CLEC4G: variants seen among roughly 807,000 people sequenced by gnomAD.
CLEC4G encodes the protein C-type lectin superfamily 4, member G.
CLEC4G carries 34 observed loss-of-function variants against 37.0 expected under a neutral mutation model. The observed-to-expected ratio is 0.92, with a 90% CI of 0.70 to 1.22. The LOEUF is 1.22. Among genes scored for constraint, CLEC4G ranks in the 50% most tolerant of loss-of-function variants. The pLI is 0.00. For missense variants in CLEC4G, 390 were observed against 392.9 expected, an observed-to-expected ratio of 0.99 and a Z score of 0.06; for synonymous variants, 167 against 165.6, an observed-to-expected ratio of 1.01 and a Z score of -0.06.
intron 2 of CLEC4G, 91 bp from the exon 3 acceptor site, chr19:7,731,410 G>A (rs967050363): frequency 2.1e-5 from 31 of 1,512,036 alleles, no homozygotes; most frequent in Non-Finnish European, 2.7e-5. Flanking sequence ...CGGGAGCACG[G>A]AGCGGGCGGG....
rs938050290 is a variant in CLEC4G, at chr19:7,731,762, C to T, written c.65G>A (p.Gly22Glu). 1.2e-6 allele frequency: 2 copies of T among 1,613,480 alleles called. No individual in the cohort carries two copies. Among genetic ancestry groups the T allele is most frequent in the Non-Finnish European group, 1.7e-6 (2 of 1,179,792 alleles). Reference sequence around the variant, plus strand: ...TCTCCTGCTCCAGTGCACCCAGCGTCCCCAGGGCCCTGGCATAACAAGGAC... The same window carrying T: ...TCTCCTGCTCCAGTGCACCCAGCGTTCCCAGGGCCCTGGCATAACAAGGAC... ...SSEEVPGGPW[G>E]RWVHWSRRPL... The change falls in exon 2 of 9, where the codon GGA becomes GAA. Residue 22 changes from glycine to glutamate, a missense_variant. Gly to Glu is a moderately conservative substitution (Grantham distance 98). Transcript: ENST00000328853.
Position 7,730,173 on chromosome 19 carries a change from G to T in CLEC4G, c.479-6C>A, listed in dbSNP as rs756487039. The T allele has an allele frequency of 4.3e-6, 7 of 1,610,986 alleles. No homozygotes were observed. In the South Asian group the frequency reaches 7.7e-5, roughly 18 times the overall value. ...GGGGCACGGCTCGCAGGAGTCTGCG[G>T]GGTGGCGAGGGTCAGAGAGGTCGCG... On this transcript the variant is annotated splice_polypyrimidine_tract_variant and splice_region_variant and intron_variant, in intron 6 of 8. Coordinates refer to ENST00000328853, the MANE Select transcript of CLEC4G (RefSeq NM_198492.4). The surrounding 1 kb of genome is among the most constrained non-coding windows in gnomAD (Gnocchi z 7.3).
chr19:7,729,528 G>A, intron 8 of CLEC4G, 24 bp from the exon 9 acceptor site: 1 of 1,557,994 alleles, frequency 6.4e-7, no homozygotes, highest in African/African-American at 1.4e-5. Context: ...GAGTGGGGGT[G>A]TTGCTGGGAA....
At chr19:7,731,455 G>A in intron 2 of CLEC4G, 136 bp from the exon 3 acceptor site, 1 of 1,479,262 alleles carries the variant, frequency 6.8e-7, no homozygotes, top group Non-Finnish European at 9.0e-7. Context: ...CACACACGCC[G>A]ATGGGAGACA....
In CLEC4G at chr19:7,730,866, G is replaced by C. The variant is rs1233120430; in HGVS notation, c.284-7C>G. 2 of 1,529,242 alleles carry C rather than the reference G, an allele frequency of 1.3e-6. No homozygotes were observed. The highest frequency in any genetic ancestry group is 1.7e-6 in the Non-Finnish European group (2 of 1,144,780). The allele number at this position is 1,529,242 out of a possible 1,614,324, so 94.7% of individuals were successfully genotyped here. Reference sequence around the variant, plus strand: ...TGCGCCTGCGTCCCCGAGCCTGGGAGCCGCAGGGTGAGAGGGGCGAGGGCG... The same window carrying C: ...TGCGCCTGCGTCCCCGAGCCTGGGACCCGCAGGGTGAGAGGGGCGAGGGCG... On this transcript the variant is annotated splice_region_variant and splice_polypyrimidine_tract_variant and intron_variant, in intron 4 of 8. Transcript: ENST00000328853. The surrounding 1 kb of genome is among the most constrained non-coding windows in gnomAD (Gnocchi z 7.3).
In CLEC4G at chr19:7,731,658, C is replaced by A. The variant is rs780519301; in HGVS notation, c.166+3G>T. On this transcript the variant is annotated splice_donor_region_variant and intron_variant, in intron 2 of 8. Transcript: ENST00000328853. Reference sequence around the variant, plus strand: ...CAACACCTCCCCATTGAGAGTCACTCACCCTTGGACAATAGGATACTCAGA... The same window carrying A: ...CAACACCTCCCCATTGAGAGTCACTAACCCTTGGACAATAGGATACTCAGA... 1.1e-5 allele frequency: 17 copies of A among 1,613,212 alleles called. No homozygotes were observed. Among genetic ancestry groups the A allele is most frequent in the Non-Finnish European group, 1.4e-5 (17 of 1,179,690 alleles).
chr19:7,731,451 C>A, intron 2 of CLEC4G, 132 bp from the exon 3 acceptor site: 8 of 1,480,498 alleles, frequency 5.4e-6, no homozygotes, highest in Non-Finnish European at 7.2e-6. Context: ...TGTGCACACA[C>A]GCCGATGGGA....
In CLEC4G at chr19:7,731,265, C is replaced by CCGTT. The variant is rs2033427962; in HGVS notation, c.217_220dup (p.Ala74GlufsTer56). Reference sequence around the variant, plus strand: ...GCCCAGGCGCCCGGCTCTGCACACACCGTTTGTCCTCAGCAGGTCGTGGCC... The same window carrying CCGTT: ...GCCCAGGCGCCCGGCTCTGCACACACCGTTCGTTTGTCCTCAGCAGGTCGTGGCC... On this transcript the variant is annotated frameshift_variant and splice_region_variant. Coordinates refer to ENST00000328853, the MANE Select transcript of CLEC4G (RefSeq NM_198492.4). LOFTEE classifies it high-confidence loss of function. The CCGTT allele has an allele frequency of 6.3e-7, 1 of 1,592,292 alleles. No homozygotes were observed. The highest frequency in any genetic ancestry group is 1.3e-5 in the African/African-American group (1 of 74,720).
rs751047828 is a variant in CLEC4G, at chr19:7,730,843, C to A, written c.300G>T (p.Ala100=). 1,322 of 1,530,296 alleles carry A rather than the reference C, an allele frequency of 8.6e-4. 1 individual carries two copies. Among genetic ancestry groups the A allele is most frequent in the Non-Finnish European group, 1.1e-3 (1,218 of 1,145,186 alleles). The allele number at this position is 1,530,296 out of a possible 1,614,324, so 94.8% of individuals were successfully genotyped here. A position where few individuals can be genotyped will look rare whatever the true frequency, so the allele number is the denominator to read the frequency against. The change falls in exon 5 of 9, where the codon GCG becomes GCT. Residue 100 remains alanine, a synonymous_variant. Coordinates refer to ENST00000328853, the MANE Select transcript of CLEC4G (RefSeq NM_198492.4). The surrounding 1 kb of genome is among the most constrained non-coding windows in gnomAD (Gnocchi z 7.3). ...DCHSCCSGTQ[A]QLQTTRAELG... ...GCTCCGCGCGCGTGGTCTGCAGCTG[C>A]GCCTGCGTCCCCGAGCCTGGGAGCC...
chr19:7,730,565 C>A lies in CLEC4G; in HGVS notation c.389-125G>T. Reference sequence around the variant, plus strand: ...CTCGGTGCCAGCGTCCAGGATGGCACAGGGTCAAGGGCGGTTACAACTGGG... The same window carrying A: ...CTCGGTGCCAGCGTCCAGGATGGCAAAGGGTCAAGGGCGGTTACAACTGGG... On this transcript the variant is annotated intron_variant, in intron 5 of 8. Transcript: ENST00000328853. The surrounding 1 kb of genome is among the most constrained non-coding windows in gnomAD (Gnocchi z 7.3). 1 of 1,473,928 alleles carries A rather than the reference C, an allele frequency of 6.8e-7. No individual in the cohort carries two copies. Among genetic ancestry groups the A allele is most frequent in the Non-Finnish European group, 9.0e-7 (1 of 1,115,480 alleles). 91.3% of individuals were successfully genotyped at this position (1,473,928 alleles called of 1,614,324 possible). A position where few individuals can be genotyped will look rare whatever the true frequency, so the allele number is the denominator to read the frequency against.
Position 7,730,752 on chromosome 19 carries a change from C to T in CLEC4G, c.388+3G>A, listed in dbSNP as rs1599458760. 1.6e-5 allele frequency: 24 copies of T among 1,531,064 alleles called. No individual in the cohort carries two copies. The highest frequency in any genetic ancestry group is 2.0e-5 in the Non-Finnish European group (23 of 1,145,056). The allele number at this position is 1,531,064 out of a possible 1,614,324, so 94.8% of individuals were successfully genotyped here. A position where few individuals can be genotyped will look rare whatever the true frequency, so the allele number is the denominator to read the frequency against. ...CAGGGCCGGGGTCGCGTCGGGCCCT[C>T]ACCGCGCTCACGCAGTTCCCGCAGG... is the stretch of plus-strand genomic sequence containing the variant. On this transcript the variant is annotated splice_donor_region_variant and intron_variant, in intron 5 of 8. Transcript: ENST00000328853. This position sits in a 1 kb window ranked among gnomAD's most constrained non-coding sequence, Gnocchi z 7.3.
rs577665877 is a variant in CLEC4G, at chr19:7,729,648, G to C, written c.744-144C>G. ...ACTGTCTAACCTGAGTATACACCTG[G>C]TATATAACTTTTTAACGCCCAGAAT... On this transcript the variant is annotated intron_variant, in intron 8 of 8. Coordinates refer to ENST00000328853, the MANE Select transcript of CLEC4G (RefSeq NM_198492.4). The C allele has an allele frequency of 9.7e-6, 12 of 1,237,966 alleles. No homozygotes were observed. In the Admixed American group the frequency reaches 3.1e-4, roughly 32 times the overall value. The allele number at this position is 1,237,966 out of a possible 1,614,324, so 76.7% of individuals were successfully genotyped here.
rs111987684 is a variant in CLEC4G at position 7,730,569 on chromosome 19, G to T, written c.389-129C>A. The T allele has an allele frequency of 1.5e-3, 2,135 of 1,463,852 alleles. 33 individuals are homozygous for T. In the African/African-American group the frequency reaches 0.024, roughly 17 times the overall value. The allele number at this position is 1,463,852 out of a possible 1,614,324, so 90.7% of individuals were successfully genotyped here. A position where few individuals can be genotyped will look rare whatever the true frequency, so the allele number is the denominator to read the frequency against. ...GTGCCAGCGTCCAGGATGGCACAGG[G>T]TCAAGGGCGGTTACAACTGGGCAGG... On this transcript the variant is annotated intron_variant, in intron 5 of 8. Coordinates refer to ENST00000328853, the MANE Select transcript of CLEC4G (RefSeq NM_198492.4). This position sits in a 1 kb window ranked among gnomAD's most constrained non-coding sequence, Gnocchi z 7.3.
rs771397581 is a variant in CLEC4G, at chr19:7,731,275, T to A, written c.211A>T (p.Arg71Trp). The A allele has an allele frequency of 1.9e-6, 3 of 1,592,196 alleles. No individual in the cohort carries two copies. Among genetic ancestry groups the A allele is most frequent in the Non-Finnish European group, 2.6e-6 (3 of 1,173,346 alleles). ...AALLDGHDLL[R>W]TNASKQTAAL... ...CCGGCTCTGCACACACCGTTTGTCC[T>A]CAGCAGGTCGTGGCCGTCAAGCAGC... The change falls in exon 3 of 9, where the codon AGG becomes TGG. Residue 71 changes from arginine (R) to tryptophan (W), a missense_variant. Physicochemically the swap from Arg to Trp is moderately radical, Grantham distance 101. Coordinates refer to ENST00000328853, the MANE Select transcript of CLEC4G (RefSeq NM_198492.4).
Position 7,730,210 on chromosome 19 carries a change from G to A in CLEC4G, c.479-43C>T, listed in dbSNP as rs2033406983. On this transcript the variant is annotated intron_variant, in intron 6 of 8. Coordinates refer to ENST00000328853, the MANE Select transcript of CLEC4G (RefSeq NM_198492.4). The surrounding 1 kb of genome is among the most constrained non-coding windows in gnomAD (Gnocchi z 7.3). Reference sequence around the variant, plus strand: ...TCAGAGAGGTCGCGTGCTTCCAGGGGCAACGCACCGAGAGGATGCAGTGGG... The same window carrying A: ...TCAGAGAGGTCGCGTGCTTCCAGGGACAACGCACCGAGAGGATGCAGTGGG... 9 of 1,600,548 alleles carry A rather than the reference G, an allele frequency of 5.6e-6. No homozygotes were observed. The highest frequency in any genetic ancestry group is 1.7e-4 in the Middle Eastern group (1 of 5,982).
In CLEC4G at chr19:7,731,589, T is replaced by G. The variant is rs193123626; in HGVS notation, c.166+72A>C. 9 of 1,562,846 alleles carry G rather than the reference T, an allele frequency of 5.8e-6. No homozygotes were observed. The Admixed American group carries it at 1.7e-4, about 30-fold the overall frequency. On this transcript the variant is annotated intron_variant, in intron 2 of 8. Transcript: ENST00000328853. The stretch of plus-strand genomic sequence containing the variant: ...GAACAGGACCCCAGGATGCAGCTGG[T>G]GCGCCATGCAGTGGGGGTTTTCTGT...
chr19:7,731,124 G>C (rs1249037301), intron 3 of CLEC4G, 36 bp from the exon 4 acceptor site: 1 of 1,603,308 alleles, frequency 6.2e-7, no homozygotes, highest in Admixed American at 1.7e-5. Flanking sequence ...CATGCCCCTC[G>C]GGTCACTTGG....
rs1358274893 is a variant in CLEC4G, at chr19:7,731,096, G to A, written c.221-8C>T. The A allele has an allele frequency of 6.2e-7, 1 of 1,604,906 alleles. No homozygotes were observed. The highest frequency in any genetic ancestry group is 1.7e-5 in the Admixed American group (1 of 59,948). Reference sequence around the variant, plus strand: ...CCGCCGTCTGCTTCGAGGCTGGAACGACCCCCGCCCCAAAATGCATGCCCC... The same window carrying A: ...CCGCCGTCTGCTTCGAGGCTGGAACAACCCCCGCCCCAAAATGCATGCCCC... On this transcript the variant is annotated splice_polypyrimidine_tract_variant and splice_region_variant and intron_variant, in intron 3 of 8. Transcript: ENST00000328853.
In CLEC4G at chr19:7,729,044, A is replaced by G. The variant is rs2033385558; in HGVS notation, c.*322T>C. 2.3e-6 allele frequency: 1 copy of G among 434,450 alleles called. No individual in the cohort carries two copies. The highest frequency in any genetic ancestry group is 3.6e-4 in the Middle Eastern group (1 of 2,754). The allele number at this position is 434,450 out of a possible 1,614,324, so 26.9% of individuals were successfully genotyped here. A position where few individuals can be genotyped will look rare whatever the true frequency, so the allele number is the denominator to read the frequency against. ...TTGGTGGAAAATGCGAGAAAACCAA[A>G]CAGCTCCAGTCCTCAGTCACCTAAC... On this transcript the variant is annotated 3_prime_UTR_variant, in exon 9 of 9. Coordinates refer to ENST00000328853, the MANE Select transcript of CLEC4G (RefSeq NM_198492.4).
Sources: allele counts gnomAD v4.1 joint callset, GRCh38; gene constraint gnomAD v4.1.1; non-coding constraint Gnocchi (gnomAD v3.1); transcripts MANE v1.5; gene names NCBI Gene and HGNC (gene_info 2026-07-23, HGNC 2026-07-21).